FNIP2: variants seen among roughly 807,000 people sequenced by gnomAD.
The protein encoded by FNIP2 is folliculin interacting protein 2, also known as folliculin-interacting protein 2.
FNIP2 carries 32 observed loss-of-function variants against 108.7 expected under a neutral mutation model. That is an observed-to-expected ratio of 0.29 (90% CI 0.22 to 0.40). The LOEUF (loss-of-function observed/expected upper bound fraction) is 0.40. FNIP2 is among the 10% of genes least tolerant of loss of function. The pLI is 1.00. For synonymous variants in FNIP2, 480 were observed against 496.7 expected (o/e 0.97, Z 0.45); for missense variants, 1,202 against 1,381.6 (o/e 0.87, Z 2.06).
chr4:158,784,719 A>T (rs917554012), intron 1 of FNIP2, among the ~76,000 whole-genome samples: 54 of 152,210 alleles, frequency 3.5e-4, no homozygotes, highest in South Asian at 2.1e-4. Context: ...GCCACCACTG[A>T]TCTGACAAGG....
intron 3 of FNIP2, among the ~76,000 whole-genome samples, chr4:158,830,248 C>CTTTTTTTTT (rs35746599): frequency 1.6e-5 from 1 of 64,012 alleles, no homozygotes; most frequent in Non-Finnish European, 2.8e-5. Context: ...ATTTATCTTT[C>CTTTTTTTTT]TTTTTTTTTT....
At chr4:158,858,930 TG>T in intron 8 of FNIP2, 126 bp from the exon 9 acceptor site, 1 of 721,226 alleles carries the variant, frequency 1.4e-6, no homozygotes, top group Non-Finnish European at 2.3e-6. Flanking sequence ...TAGAAAAGAA[TG>T]AACTAAAGGC....
intron 1 of FNIP2, among the ~76,000 whole-genome samples, chr4:158,790,170 GAT>G: frequency 6.6e-6 from 1 of 151,566 alleles, no homozygotes; most frequent in Non-Finnish European, 1.5e-5. Context: ...CTATCCCCAA[GAT>G]ATCTCATAAT....
intron 1 of FNIP2, among the ~76,000 whole-genome samples, chr4:158,777,298 A>G (rs1775893224): frequency 6.6e-6 from 1 of 152,238 alleles, no homozygotes; most frequent in Non-Finnish European, 1.5e-5. Flanking sequence ...CAAATTTAAG[A>G]TAATAGTACA....
intron 1 of FNIP2, among the ~76,000 whole-genome samples, chr4:158,823,183 A>AT (rs1024417075): frequency 3.3e-5 from 5 of 152,054 alleles, no homozygotes; most frequent in African/African-American, 1.2e-4. Context: ...ATTAAATCTG[A>AT]TTTTTTTTAC....
chr4:158,813,022 G>A (rs147589049), intron 1 of FNIP2, among the ~76,000 whole-genome samples: 245 of 152,046 alleles, frequency 1.6e-3, no homozygotes, highest in Non-Finnish European at 2.7e-3. Context: ...CTTTCACTTA[G>A]AAATACACAT....
chr4:158,891,528 G>A lies in FNIP2; in HGVS notation c.3032G>A (p.Ser1011Asn), dbSNP rs555981194. 2 of 1,610,864 alleles carry A rather than the reference G, an allele frequency of 1.2e-6. No individual in the cohort carries two copies. Among genetic ancestry groups the A allele is most frequent in the African/African-American group, 1.3e-5 (1 of 75,000 alleles). ...TDKWSVQVAT[S>N]QRKVTDNMKL... ...AAATGGAGTGTGCAGGTAGCTACAA[G>A]TCAGAGGAAAGTGACGGACAACATG... The change falls in exon 15 of 17, where the codon AGT becomes AAT. Residue 1011 changes from serine (S) to asparagine (N), a missense_variant. Physicochemically the swap from Ser to Asn is conservative, Grantham distance 46. Around this residue, in one of 5 missense-constraint regions of FNIP2, gnomAD observed 142 missense variants for 183.8 expected, o/e 0.77. Transcript: ENST00000264433.
chr4:158,849,105 C>T (rs968324491), intron 7 of FNIP2, among the ~76,000 whole-genome samples: 5 of 152,236 alleles, frequency 3.3e-5, no homozygotes, highest in South Asian at 4.2e-4. Flanking sequence ...AAGGGTCTTA[C>T]GATCTACTTT....
intron 7 of FNIP2, among the ~76,000 whole-genome samples, chr4:158,837,573 C>A (rs879455519): frequency 7.2e-5 from 11 of 152,126 alleles, no homozygotes; most frequent in Non-Finnish European, 1.5e-4. Context: ...CTAAATTGCT[C>A]CTGAAACTAC....
At chr4:158,795,908 A>G (rs949583052) in intron 1 of FNIP2, 1 of 152,228 alleles carries the variant, frequency 6.6e-6, no homozygotes, top group African/African-American at 2.4e-5. Context: ...CCCCACCCCC[A>G]GTCCATGGAA....
chr4:158,903,257 G>A (rs929651780), intron 16 of FNIP2, among the ~76,000 whole-genome samples: 7 of 152,056 alleles, frequency 4.6e-5, no homozygotes, highest in Admixed American at 1.3e-4. Context: ...TGCACTTCCC[G>A]AGTAAGGCAA....
intron 1 of FNIP2, among the ~76,000 whole-genome samples, chr4:158,815,672 C>A (rs1777529475): frequency 1.3e-5 from 2 of 152,120 alleles, no homozygotes; most frequent in African/African-American, 4.8e-5. Flanking sequence ...CCCAGTAATC[C>A]AGCTTTCTAC....
Position 158,829,244 on chromosome 4 carries a change from T to G in FNIP2, c.381+19T>G, listed in dbSNP as rs1778327255. On this transcript the variant is annotated intron_variant, in intron 3 of 16. Transcript: ENST00000264433. ...GTACCAGGTACAACCATCCCTTCTG[T>G]GGGAATAGCCCCTGAGGTTAAAGTT... 2 of 1,586,294 alleles carry G rather than the reference T, an allele frequency of 1.3e-6. No individual in the cohort carries two copies. Among genetic ancestry groups the G allele is most frequent in the Non-Finnish European group, 1.7e-6 (2 of 1,163,668 alleles).
Position 158,868,243 on chromosome 4 carries a change from C to G in FNIP2, c.1607C>G (p.Thr536Ser). 6.2e-7 allele frequency: 1 copy of G among 1,614,048 alleles called. No individual in the cohort carries two copies. The highest frequency in any genetic ancestry group is 8.5e-7 in the Non-Finnish European group (1 of 1,179,896). Residue 536 changes from threonine (T) to serine (S), a missense_variant, in exon 13 of 17, where the codon ACC becomes AGC. Physicochemically the swap from Thr to Ser is moderately conservative, Grantham distance 58 (BLOSUM62 1). Coordinates refer to ENST00000264433, the MANE Select transcript of FNIP2 (RefSeq NM_020840.3). The surrounding 1 kb of genome is among the most constrained non-coding windows in gnomAD (Gnocchi z 4.6). ...TCTGAGCTACAAGAGAACCAGCTGA[C>G]CTGGAGTGGCAATCATGGTGAAGGT... ...RCSELQENQL[T>S]WSGNHGEGDQ...
At chr4:158,877,517 C>T (rs183288555) in intron 14 of FNIP2, among the ~76,000 whole-genome samples, 36 of 152,280 alleles carry the variant, frequency 2.4e-4, no homozygotes, top group Admixed American at 7.8e-4. Flanking sequence ...TTCTGATAAG[C>T]AAATGCTTTT....
intron 1 of FNIP2, among the ~76,000 whole-genome samples, chr4:158,771,291 G>T (rs1051882440): frequency 1.3e-5 from 2 of 152,204 alleles, no homozygotes; most frequent in South Asian, 4.1e-4. Context: ...GATGCTGGAC[G>T]ATGGGAACAA....
chr4:158,792,906 CTTG>C (rs968552564), intron 1 of FNIP2, among the ~76,000 whole-genome samples: 1 of 152,050 alleles, frequency 6.6e-6, no homozygotes, highest in Admixed American at 6.5e-5. Context: ...AAAGTGATGA[CTTG>C]TTGGCTTTGA....
At chr4:158,800,593 T>C (rs1204497800) in intron 1 of FNIP2, among the ~76,000 whole-genome samples, 1 of 152,212 alleles carries the variant, frequency 6.6e-6, no homozygotes, top group African/African-American at 2.4e-5. Flanking sequence ...TCCCATTGTT[T>C]GTAAATAATA....
intron 6 of FNIP2, chr4:158,834,325 T>TCTCTCTCTCTCTCTCC (rs1390704315): frequency 8.0e-5 from 12 of 149,794 alleles, no homozygotes; most frequent in African/African-American, 2.8e-4. Context: ...TCTCTCTCTC[T>TCTCTCTCTCTCTCTCC]CTCTCCCTCT....
Sources: allele counts gnomAD v4.1 joint callset (sites outside exome capture counted in the v4.1 genomes callset), GRCh38; gene constraint gnomAD v4.1.1; regional missense constraint gnomAD v4.1.1; non-coding constraint Gnocchi (gnomAD v3.1); transcripts MANE v1.5; gene names NCBI Gene and HGNC (gene_info 2026-07-23, HGNC 2026-07-21).